The following EDA2R variants were observed in gnomAD, a reference collection of about 807,000 sequenced individuals.
EDA2R encodes the protein tumor necrosis factor receptor superfamily member 27.
EDA2R carries 26 observed loss-of-function variants against 20.1 expected under a neutral mutation model. The ratio of observed to expected loss-of-function variants is 1.30; its 90% CI spans 0.95 to 1.80. The LOEUF is 1.80. Ranked by LOEUF, EDA2R falls within the 40% of genes most tolerant of loss-of-function variation. EDA2R has a pLI of 0.00. For synonymous variants in EDA2R, 114 were observed against 88.7 expected, an observed-to-expected ratio of 1.29 and a Z score of -1.60; for missense variants, 277 against 228.7, an observed-to-expected ratio of 1.21 and a Z score of -1.36.
chrX:66,637,008 G>A (rs933889708), intron 1 of EDA2R, among the ~76,000 whole-genome samples: 7 of 110,627 alleles, frequency 6.3e-5, no homozygotes, highest in African/African-American at 2.0e-4. Flanking sequence ...ACCGATCCTA[G>A]TTGGGAATGT....
At chrX:66,616,524 T>C (rs898646420) in intron 1 of EDA2R, among the ~76,000 whole-genome samples, 2 of 112,527 alleles carry the variant, frequency 1.8e-5, no homozygotes, top group Non-Finnish European at 3.8e-5. Flanking sequence ...ATTATAGAGA[T>C]TGTCATCTTT....
chrX:66,604,928 T>C (rs1263315910), intron 3 of EDA2R, 120 bp downstream of exon 3: 11 of 679,527 alleles, frequency 1.6e-5, no homozygotes, highest in African/African-American at 2.2e-5. Flanking sequence ...TCTGGGAGCT[T>C]AAACTGAATA....
Position 66,604,489 on chromosome X carries a change from C to A in EDA2R, c.284G>T (p.Arg95Leu), listed in dbSNP as rs192316556. The A allele has an allele frequency of 1.8e-4, 220 of 1,206,332 alleles. 1 individual carries two copies. The South Asian group carries it at 3.6e-3, about 20-fold the overall frequency. ...CTCTTGGTCCTGCAGGCCTCCAATG[C>A]GTGTCTTTCGGTAGAACCTGTGTTC... ...DCLPRFYRKT[R>L]IGGLQDQECI... Residue 95 changes from arginine to leucine, a missense_variant, in exon 4 of 7, where the codon CGC becomes CTC. By Grantham distance (102) the Arg-to-Leu change is moderately radical (BLOSUM62 -2). Transcript: ENST00000374719.
intron 1 of EDA2R, among the ~76,000 whole-genome samples, chrX:66,630,035 C>CAAA (rs1933568527): frequency 9.0e-6 from 1 of 111,120 alleles, no homozygotes; most frequent in Non-Finnish European, 1.9e-5. Flanking sequence ...GAAATAACCC[C>CAAA]AAATACTTGC....
Position 66,596,264 on chromosome X carries a change from C to T in EDA2R, c.*1840G>A, listed in dbSNP as rs1235459212. ...TATGCCTCAGCATTGAAAAGTAAAA[C>T]TGTAAAAAGAACTCTCCTGAAGCAA... On this transcript the variant is annotated 3_prime_UTR_variant, in exon 7 of 7. Coordinates refer to ENST00000374719, the MANE Select transcript of EDA2R (RefSeq NM_021783.5). 1 of 111,107 alleles carries T rather than the reference C, an allele frequency of 9.0e-6. No individual in the cohort carries two copies. Among genetic ancestry groups the T allele is most frequent in the Non-Finnish European group, 1.9e-5 (1 of 53,058 alleles). 9.2% of individuals were successfully genotyped at this position (111,107 alleles called of 1,213,427 possible).
chrX:66,604,458 G>T lies in EDA2R; in HGVS notation c.315C>A (p.Ile105=), dbSNP rs1329206157. The change falls in exon 4 of 7, where the codon ATC becomes ATA. Residue 105 remains isoleucine, a synonymous_variant. Transcript: ENST00000374719. The part of the protein sequence containing the change: ...RIGGLQDQEC[I]PCTKQTPTSE... The stretch of plus-strand genomic sequence containing the variant: ...AGGTGGGGGTCTGCTTCGTGCACGG[G>T]ATGCACTCTTGGTCCTGCAGGCCTC... 1 of 1,209,637 alleles carries T rather than the reference G, an allele frequency of 8.3e-7. No homozygotes were observed. The highest frequency in any genetic ancestry group is 3.0e-5 in the East Asian group (1 of 33,792).
At chrX:66,615,402 G>A (rs1931499765) in intron 2 of EDA2R, among the ~76,000 whole-genome samples, 1 of 111,943 alleles carries the variant, frequency 8.9e-6, no homozygotes, top group Non-Finnish European at 1.9e-5. Flanking sequence ...GAACAATTAA[G>A]CAGATCCAGG....
intron 5 of EDA2R, among the ~76,000 whole-genome samples, chrX:66,600,803 C>A (rs1284015644): frequency 8.9e-6 from 1 of 111,851 alleles, no homozygotes; most frequent in Non-Finnish European, 1.9e-5. Flanking sequence ...GCTCTTTATT[C>A]AAATTCATTG....
chrX:66,617,240 C>A (rs949317566), intron 1 of EDA2R, among the ~76,000 whole-genome samples: 1 of 112,255 alleles, frequency 8.9e-6, no homozygotes, highest in African/African-American at 3.2e-5. Context: ...TTAAGTCATT[C>A]TAAATGGCAT....
At chrX:66,620,675 A>C (rs1278130114) in intron 1 of EDA2R, among the ~76,000 whole-genome samples, 2 of 110,757 alleles carry the variant, frequency 1.8e-5, no homozygotes, top group Non-Finnish European at 3.8e-5. Flanking sequence ...TAAAAATTAA[A>C]AATGTTTGTG....
chrX:66,615,847 C>A, intron 2 of EDA2R, 87 bp downstream of exon 2: 1 of 709,885 alleles, frequency 1.4e-6, no homozygotes, highest in Non-Finnish European at 2.2e-6. Flanking sequence ...ATAAGTAGGG[C>A]TGACTCCCCT....
At chrX:66,607,929 G>T (rs1160446744) in intron 2 of EDA2R, among the ~76,000 whole-genome samples, 3 of 112,033 alleles carry the variant, frequency 2.7e-5, no homozygotes, top group African/African-American at 9.7e-5. Context: ...AAGACTAAAA[G>T]AACTGTCTTA....
At chrX:66,631,002 C>T (rs538968681) in intron 1 of EDA2R, among the ~76,000 whole-genome samples, 29 of 109,193 alleles carry the variant, frequency 2.7e-4, no homozygotes, top group African/African-American at 9.0e-4. Flanking sequence ...TAAAAACACA[C>T]GTTTGTGTGT....
At chrX:66,601,586 C>A (rs1928613387) in intron 5 of EDA2R, among the ~76,000 whole-genome samples, 1 of 111,926 alleles carries the variant, frequency 8.9e-6, no homozygotes, top group Admixed American at 9.5e-5. Flanking sequence ...TTAGCAGGAT[C>A]TTCCCACACA....
intron 4 of EDA2R, 64 bp downstream of exon 4, chrX:66,604,357 C>T: frequency 1.9e-6 from 2 of 1,062,941 alleles, no homozygotes; most frequent in Non-Finnish European, 2.6e-6. Context: ...GTAGTCTTTA[C>T]TACCCTATCT....
intron 2 of EDA2R, among the ~76,000 whole-genome samples, chrX:66,609,952 A>T (rs916626094): frequency 8.9e-6 from 1 of 111,795 alleles, no homozygotes; most frequent in African/African-American, 3.3e-5. Flanking sequence ...ATATAAATAA[A>T]TTCCTCTTTA....
At chrX:66,615,280 G>A (rs1318052210) in intron 2 of EDA2R, among the ~76,000 whole-genome samples, 1 of 111,755 alleles carries the variant, frequency 8.9e-6, no homozygotes, top group Non-Finnish European at 1.9e-5. Context: ...AATAGAGTGT[G>A]AATATGCAGA....
chrX:66,608,136 A>G, intron 2 of EDA2R, among the ~76,000 whole-genome samples: 1 of 111,950 alleles, frequency 8.9e-6, no homozygotes, highest in Non-Finnish European at 1.9e-5. Flanking sequence ...GCAAACCTGA[A>G]TGTAGGACAA....
At chrX:66,605,434 T>A (rs1158327763) in intron 2 of EDA2R, among the ~76,000 whole-genome samples, 2 of 112,509 alleles carry the variant, frequency 1.8e-5, no homozygotes, top group East Asian at 5.6e-4. Context: ...GTACATGGAA[T>A]GAAGTAAAGC....
Sources: allele counts gnomAD v4.1 joint callset (sites outside exome capture counted in the v4.1 genomes callset), GRCh38; gene constraint gnomAD v4.1.1; transcripts MANE v1.5; gene names NCBI Gene and HGNC (gene_info 2026-07-23, HGNC 2026-07-21).